Variants in GRK5 observed in about 807,000 individuals in gnomAD.
GRK5 encodes g protein-coupled receptor kinase GRK5.
In GRK5, 40 loss-of-function variants were observed where a neutral mutation model predicts 78.4. The ratio of observed to expected loss-of-function variants is 0.51; its 90% CI spans 0.40 to 0.66. The LOEUF (loss-of-function observed/expected upper bound fraction) is 0.66. Ranked by LOEUF, GRK5 falls within the 30% of genes least tolerant of loss-of-function variation. GRK5 has a pLI of 0.00. For synonymous variants in GRK5, 289 were observed against 296.8 expected, an observed-to-expected ratio of 0.97 and a Z score of 0.27; for missense variants, 598 against 759.9, an observed-to-expected ratio of 0.79 and a Z score of 2.50.
intron 2 of GRK5, among the ~76,000 whole-genome samples, chr10:119,349,476 G>T (rs1851155495): frequency 6.6e-6 from 1 of 152,184 alleles, no homozygotes; most frequent in South Asian, 2.1e-4. Context: ...GCCTTTGGAG[G>T]CAGTTACCCG....
chr10:119,261,060 C>T (rs1277822692), intron 1 of GRK5, among the ~76,000 whole-genome samples: 17 of 58,572 alleles, frequency 2.9e-4, no homozygotes, highest in Non-Finnish European at 4.3e-4. Flanking sequence ...CCCTCCCGGA[C>T]GGGGCGGCTG....
At chr10:119,405,606 G>A (rs1201568056) in intron 4 of GRK5, among the ~76,000 whole-genome samples, 3 of 115,562 alleles carry the variant, frequency 2.6e-5, no homozygotes, top group Admixed American at 1.2e-4. Flanking sequence ...ACAAACCCAC[G>A]CAGGCTGGGC....
intron 1 of GRK5, among the ~76,000 whole-genome samples, chr10:119,257,994 G>A (rs1420649931): frequency 3.3e-5 from 5 of 152,122 alleles, no homozygotes; most frequent in Non-Finnish European, 7.3e-5. Flanking sequence ...CCTCTTAAAA[G>A]TGCATAGTTC....
intron 3 of GRK5, among the ~76,000 whole-genome samples, chr10:119,382,648 A>T (rs1564912333): frequency 6.6e-6 from 1 of 152,226 alleles, no homozygotes; most frequent in Non-Finnish European, 1.5e-5. Context: ...TCTTTAAAAA[A>T]TAGTACTATC....
chr10:119,273,593 C>T (rs1052166507), intron 1 of GRK5, among the ~76,000 whole-genome samples: 24 of 152,304 alleles, frequency 1.6e-4, no homozygotes, highest in South Asian at 1.0e-3. Context: ...GGATGGGCCG[C>T]GGCTTTGACC....
In GRK5 at chr10:119,458,963, T is replaced by C. The variant is rs1467621784; in HGVS notation, c.*3896T>C. On this transcript the variant is annotated 3_prime_UTR_variant, in exon 16 of 16. Coordinates refer to ENST00000392870, the MANE Select transcript of GRK5 (RefSeq NM_005308.3). ...CTGAGAAGAAGAGGAAACACCTGAG[T>C]GACACTCAGCTGTCCTCTGGGGTCC... is the stretch of plus-strand genomic sequence containing the variant. 6.6e-6 allele frequency: 1 copy of C among 152,144 alleles called. No homozygotes were observed. Among genetic ancestry groups the C allele is most frequent in the Non-Finnish European group, 1.5e-5 (1 of 68,008 alleles). 9.4% of individuals were successfully genotyped at this position (152,144 alleles called of 1,614,324 possible).
chr10:119,372,689 TTC>T (rs1274967504), intron 2 of GRK5, among the ~76,000 whole-genome samples: 12 of 152,234 alleles, frequency 7.9e-5, no homozygotes, highest in African/African-American at 2.7e-4. Flanking sequence ...TTTGATTTCA[TTC>T]TCTGACAGGT....
At chr10:119,335,654 C>T (rs1218138401) in intron 2 of GRK5, among the ~76,000 whole-genome samples, 2 of 152,234 alleles carry the variant, frequency 1.3e-5, no homozygotes, top group Non-Finnish European at 2.9e-5. Context: ...TGAGCCACTG[C>T]GCCCAGCCTG....
At chr10:119,286,363 C>T (rs542703951) in intron 1 of GRK5, among the ~76,000 whole-genome samples, 5 of 152,346 alleles carry the variant, frequency 3.3e-5, no homozygotes, top group African/African-American at 1.2e-4. Flanking sequence ...TCAAAATCTG[C>T]CCCCTTGTTT....
rs971690313 is a variant in GRK5, at chr10:119,459,069, T to G, written c.*4002T>G. 4 of 152,214 alleles carry G rather than the reference T, an allele frequency of 2.6e-5. No homozygotes were observed. Among genetic ancestry groups the G allele is most frequent in the African/African-American group, 9.7e-5 (4 of 41,442 alleles). The allele number at this position is 152,214 out of a possible 1,614,324, so 9.4% of individuals were successfully genotyped here. A position where few individuals can be genotyped will look rare whatever the true frequency, so the allele number is the denominator to read the frequency against. ...GTTTTCATAACCCAACACTCTGAGA[T>G]AGGATCTTCCAACTTTTTAGCCCCG... On this transcript the variant is annotated 3_prime_UTR_variant, in exon 16 of 16. Coordinates refer to ENST00000392870, the MANE Select transcript of GRK5 (RefSeq NM_005308.3).
At position 119,207,969 on chromosome 10, in the gene GRK5, G is replaced by A. The variant is rs1403848685; in HGVS notation, c.52G>A (p.Gly18Arg). The change falls in exon 1 of 16, where the codon GGG becomes AGG. Residue 18 changes from glycine to arginine, a missense_variant and splice_region_variant. By Grantham distance (125) the Gly-to-Arg change is moderately radical. Coordinates refer to ENST00000392870, the MANE Select transcript of GRK5 (RefSeq NM_005308.3). ...CACGGTCTTGCTGAAAGCCAGGGAA[G>A]GTAAGAGGCAGGGCCGGTACGTGCC... ...ANTVLLKARE[G>R]GGGKRKGKSK... is the part of the protein sequence containing the mutation. 6.2e-7 allele frequency: 1 copy of A among 1,604,212 alleles called. No homozygotes were observed. The highest frequency in any genetic ancestry group is 8.5e-7 in the Non-Finnish European group (1 of 1,176,264).
At chr10:119,209,030 G>A (rs918288613) in intron 1 of GRK5, among the ~76,000 whole-genome samples, 3 of 152,100 alleles carry the variant, frequency 2.0e-5, no homozygotes, top group Non-Finnish European at 4.4e-5. Flanking sequence ...GGCAGACTGA[G>A]TAAGGGCTTG....
rs1429655745 is a variant in GRK5, at chr10:119,394,239, G to T, written c.262-2456G>T. ...GGGTACGTGTGGGTGTGGGTGTGTG[G>T]GTGTCTGTGTGTGGATGTATCTGTG... On this transcript the variant is annotated intron_variant, in intron 3 of 15. Coordinates refer to ENST00000392870, the MANE Select transcript of GRK5 (RefSeq NM_005308.3). 3.0e-4 allele frequency among the ~76,000 whole-genome samples: 12 copies of T among 40,502 alleles called. No homozygotes were observed. In the South Asian group the frequency reaches 3.1e-3, roughly 11 times the overall value. The allele number at this position is 40,502 out of a possible 152,430, so 26.6% of individuals were successfully genotyped here.
chr10:119,223,095 G>T (rs891189234), intron 1 of GRK5, among the ~76,000 whole-genome samples: 1 of 152,218 alleles, frequency 6.6e-6, no homozygotes. Flanking sequence ...ATCAAGGTGT[G>T]TGCAGGGCCG....
intron 2 of GRK5, among the ~76,000 whole-genome samples, chr10:119,327,141 T>G (rs1228884615): frequency 6.6e-6 from 1 of 152,158 alleles, no homozygotes; most frequent in African/African-American, 2.4e-5. Context: ...CCCTTTCCAC[T>G]TGCTGGGGAT....
chr10:119,363,789 G>T (rs1207617327), intron 2 of GRK5, among the ~76,000 whole-genome samples: 1 of 152,166 alleles, frequency 6.6e-6, no homozygotes, highest in Non-Finnish European at 1.5e-5. Flanking sequence ...ACATTCCATT[G>T]GTCAAAATTT....
rs561606403 is a variant in GRK5 at position 119,348,930 on chromosome 10, C to T, written c.148+22319C>T. ...AGGGCCGCTCTGCTCATATCCTCGA[C>T]CACCACAGGAGGGCCGCTCTTGAAG... On this transcript the variant is annotated intron_variant, in intron 2 of 15. Transcript: ENST00000392870. Among the ~76,000 whole-genome samples, 46 of 152,294 alleles carry T rather than the reference C, an allele frequency of 3.0e-4. 1 individual carries two copies. Among genetic ancestry groups the T allele is most frequent in the African/African-American group, 1.1e-3 (45 of 41,558 alleles).
intron 2 of GRK5, among the ~76,000 whole-genome samples, chr10:119,357,994 T>TG (rs2133805925): frequency 6.6e-6 from 1 of 152,266 alleles, no homozygotes; most frequent in South Asian, 2.1e-4. Flanking sequence ...GCTGCATCAA[T>TG]CACACCCAAA....
chr10:119,247,104 T>C (rs1849126136), intron 1 of GRK5, among the ~76,000 whole-genome samples: 1 of 152,208 alleles, frequency 6.6e-6, no homozygotes, highest in Non-Finnish European at 1.5e-5. Flanking sequence ...GCTCGGCATC[T>C]GAGTGACTGT....
Sources: gnomAD v4.1 joint callset for allele counts (sites outside exome capture counted in the v4.1 genomes callset) on GRCh38, gnomAD v4.1.1 for gene constraint, MANE v1.5 for transcripts, NCBI Gene and HGNC (gene_info 2026-07-23, HGNC 2026-07-21) for gene names.